ZDHHC14: variants seen among roughly 807,000 people sequenced by gnomAD.
ZDHHC14 encodes palmitoyltransferase ZDHHC14.
ZDHHC14 carries 16 observed loss-of-function variants against 47.7 expected under a neutral mutation model. The observed-to-expected ratio is 0.34, with a 90% CI of 0.23 to 0.51. ZDHHC14 has a LOEUF of 0.51. Ranked by LOEUF, ZDHHC14 falls within the 20% of genes least tolerant of loss-of-function variation. The pLI, the probability that ZDHHC14 is intolerant of heterozygous loss-of-function variation, is 0.97. For missense variants in ZDHHC14, 515 were observed against 662.5 expected (o/e 0.78, Z 2.44); for synonymous variants, 293 against 278.9 (o/e 1.05, Z -0.50).
chr6:157,629,047 G>A (rs1414461972), intron 4 of ZDHHC14, among the ~76,000 whole-genome samples: 1 of 152,184 alleles, frequency 6.6e-6, no homozygotes, highest in Non-Finnish European at 1.5e-5. Context: ...TTACGTATCT[G>A]CTAGAACATG....
At chr6:157,386,695 T>C (rs906006596) in intron 1 of ZDHHC14, among the ~76,000 whole-genome samples, 1 of 152,214 alleles carries the variant, frequency 6.6e-6, no homozygotes, top group Non-Finnish European at 1.5e-5. Flanking sequence ...GGGAGCCGAC[T>C]GCAGTGCTAT....
chr6:157,602,771 CTG>C (rs1784386185), intron 3 of ZDHHC14, among the ~76,000 whole-genome samples: 1 of 152,326 alleles, frequency 6.6e-6, no homozygotes, highest in Admixed American at 6.5e-5. Flanking sequence ...GATGCTTCCT[CTG>C]AGCTTTCTGG....
intron 5 of ZDHHC14, among the ~76,000 whole-genome samples, chr6:157,639,233 TC>T (rs1777129227): frequency 6.6e-6 from 1 of 152,224 alleles, no homozygotes; most frequent in South Asian, 2.1e-4. Context: ...GGTCCCTTCA[TC>T]CCCTGCATGC....
intron 1 of ZDHHC14, among the ~76,000 whole-genome samples, chr6:157,434,284 T>C (rs1403677335): frequency 6.6e-6 from 1 of 151,664 alleles, no homozygotes; most frequent in East Asian, 1.9e-4. Flanking sequence ...TCTGATGTTC[T>C]GAATAGACTA....
At chr6:157,585,967 G>A (rs928891618) in intron 2 of ZDHHC14, among the ~76,000 whole-genome samples, 19 of 152,316 alleles carry the variant, frequency 1.2e-4, no homozygotes, top group South Asian at 4.1e-4. Context: ...GTGGAGGTGC[G>A]GGAGCATGGC....
Position 157,424,709 on chromosome 6 carries a change from G to A in ZDHHC14, c.245+42443G>A, listed in dbSNP as rs145053185. On this transcript the variant is annotated intron_variant, in intron 1 of 8. Coordinates refer to ENST00000359775, the MANE Select transcript of ZDHHC14 (RefSeq NM_024630.3). ...ATGGGGATAAGTTTGCAGGAGATTC[G>A]ATTAATGATTAAATGAACAAACCGG... is the stretch of plus-strand genomic sequence containing the variant. 3.9e-3 allele frequency among the ~76,000 whole-genome samples: 599 copies of A among 152,250 alleles called. 2 individuals carry two copies. Among genetic ancestry groups the A allele is most frequent in the African/African-American group, 0.014 (571 of 41,538 alleles).
intron 1 of ZDHHC14, among the ~76,000 whole-genome samples, chr6:157,522,967 T>TTCC (rs1781005176): frequency 6.5e-5 from 1 of 15,284 alleles, no homozygotes; most frequent in African/African-American, 2.1e-4. Context: ...CCTTCTTTCT[T>TTCC]TTCTTTTCTT....
rs1236475310 is a variant in ZDHHC14 at position 157,673,804 on chromosome 6, G to T, written c.*682G>T. The T allele has an allele frequency of 6.6e-6, 1 of 152,662 alleles. No homozygotes were observed. Among genetic ancestry groups the T allele is most frequent in the African/African-American group, 2.4e-5 (1 of 41,444 alleles). 9.5% of individuals were successfully genotyped at this position (152,662 alleles called of 1,614,324 possible). A position where few individuals can be genotyped will look rare whatever the true frequency, so the allele number is the denominator to read the frequency against. On this transcript the variant is annotated 3_prime_UTR_variant, in exon 9 of 9. Coordinates refer to ENST00000359775, the MANE Select transcript of ZDHHC14 (RefSeq NM_024630.3). This position sits in a 1 kb window ranked among gnomAD's most constrained non-coding sequence, Gnocchi z 5.4. ...GGCGGCTGGGGTTCCGTCGTGTCGG[G>T]TGTCACTTCACCTTCTGTTTGGCCG...
intron 1 of ZDHHC14, among the ~76,000 whole-genome samples, chr6:157,528,130 T>C (rs971785112): frequency 1.3e-5 from 2 of 152,228 alleles, no homozygotes; most frequent in African/African-American, 2.4e-5. Flanking sequence ...TTCTCCACCG[T>C]ATTCTTTAAG....
chr6:157,588,423 C>T (rs1465980095), intron 2 of ZDHHC14, among the ~76,000 whole-genome samples: 1 of 152,170 alleles, frequency 6.6e-6, no homozygotes, highest in African/African-American at 2.4e-5. Flanking sequence ...AGCACCACTG[C>T]ACTCCAGCCA....
At chr6:157,564,608 A>G (rs1443358318) in intron 2 of ZDHHC14, among the ~76,000 whole-genome samples, 3 of 152,234 alleles carry the variant, frequency 2.0e-5, no homozygotes, top group Non-Finnish European at 4.4e-5. Context: ...AGTTTTGTGT[A>G]TGTCAAAATC....
chr6:157,602,903 G>T (rs1784390987), intron 3 of ZDHHC14, among the ~76,000 whole-genome samples: 1 of 152,190 alleles, frequency 6.6e-6, no homozygotes. Context: ...TAAGCAACAG[G>T]TCCTGTAACT....
Position 157,592,229 on chromosome 6 carries a change from T to TA in ZDHHC14, c.407-755dup, listed in dbSNP as rs539385914. Among the ~76,000 whole-genome samples the TA allele has an allele frequency of 3.1e-3, 479 of 152,096 alleles. 5 individuals are homozygous for TA. The highest frequency in any genetic ancestry group is 0.01 in the African/African-American group (433 of 41,552). ...TAATGTGAAATCAGAAATGATAAGA[T>TA]AAAATGGAAATTTAAAAACTCCACG... On this transcript the variant is annotated intron_variant, in intron 2 of 8. Coordinates refer to ENST00000359775, the MANE Select transcript of ZDHHC14 (RefSeq NM_024630.3).
intron 1 of ZDHHC14, among the ~76,000 whole-genome samples, chr6:157,415,638 G>A (rs1777958671): frequency 6.6e-6 from 1 of 152,202 alleles, no homozygotes; most frequent in Non-Finnish European, 1.5e-5. Flanking sequence ...ACTTGGGGAG[G>A]CCAAGGTGGG....
chr6:157,517,987 G>A (rs1780761277), intron 1 of ZDHHC14, among the ~76,000 whole-genome samples: 1 of 152,172 alleles, frequency 6.6e-6, no homozygotes, highest in African/African-American at 2.4e-5. Context: ...ATCCTAGGAT[G>A]CACGTCCCCA....
chr6:157,572,664 T>G (rs1340690152), intron 2 of ZDHHC14, among the ~76,000 whole-genome samples: 2 of 109,032 alleles, frequency 1.8e-5, no homozygotes, highest in South Asian at 3.3e-4. Context: ...CCCACAACAG[T>G]CCCCGGTGTG....
chr6:157,530,196 GTGGGACCACATC>G (rs1033380038), intron 1 of ZDHHC14, among the ~76,000 whole-genome samples: 38 of 152,204 alleles, frequency 2.5e-4, no homozygotes, highest in African/African-American at 8.2e-4. Flanking sequence ...AGAAAATGAT[GTGGGACCACATC>G]TGTGTGTCTA....
intron 1 of ZDHHC14, among the ~76,000 whole-genome samples, chr6:157,451,061 T>C (rs973268899): frequency 4.2e-4 from 63 of 151,732 alleles, no homozygotes; most frequent in Non-Finnish European, 5.3e-4. Flanking sequence ...TCTTTATGGA[T>C]GAGATCTGAC....
rs149086170 is a variant in ZDHHC14, at chr6:157,644,271, T to C, written c.753-1466T>C. ...ATGTGGGTGGAGAGAGGGGCCTCTT[T>C]AGCCCCGTTCTGTGGGAAGGCAGTT... On this transcript the variant is annotated intron_variant, in intron 5 of 8. Coordinates refer to ENST00000359775, the MANE Select transcript of ZDHHC14 (RefSeq NM_024630.3). Among the ~76,000 whole-genome samples the C allele has an allele frequency of 9.2e-5, 14 of 152,322 alleles. No homozygotes were observed. The East Asian group carries it at 2.5e-3, about 27-fold the overall frequency.
Sources: gnomAD v4.1 joint callset for allele counts (sites outside exome capture counted in the v4.1 genomes callset) on GRCh38, gnomAD v4.1.1 for gene constraint, Gnocchi (gnomAD v3.1) non-coding constraint, MANE v1.5 for transcripts, NCBI Gene and HGNC (gene_info 2026-07-23, HGNC 2026-07-21) for gene names.